Variants in SLC30A8 observed in about 807,000 individuals in gnomAD.
The protein encoded by SLC30A8 is proton-coupled zinc antiporter SLC30A8.
A neutral mutation model predicts 36.9 loss-of-function variants in SLC30A8; 27 were observed. That is an observed-to-expected ratio of 0.73 (90% CI 0.54 to 1.01). SLC30A8 has a LOEUF of 1.01. Ranked by LOEUF, SLC30A8 falls within the 50% of genes least tolerant of loss-of-function variation. SLC30A8 has a pLI of 0.00. For missense variants in SLC30A8, 439 were observed against 452.0 expected, an observed-to-expected ratio of 0.97 and a Z score of 0.26; for synonymous variants, 164 against 172.4, an observed-to-expected ratio of 0.95 and a Z score of 0.38.
chr8:116,962,373 G>A (rs1208446431), intron 1 of SLC30A8, among the ~76,000 whole-genome samples: 1 of 151,944 alleles, frequency 6.6e-6, no homozygotes, highest in Non-Finnish European at 1.5e-5. Context: ...TATAAAAAAT[G>A]ATTATGTTAA....
At chr8:117,077,609 A>C (rs1338751789) in intron 2 of SLC30A8, among the ~76,000 whole-genome samples, 1 of 152,196 alleles carries the variant, frequency 6.6e-6, no homozygotes, top group Non-Finnish European at 1.5e-5. Flanking sequence ...ACTGGGATGT[A>C]CCTTTTAATT....
intron 1 of SLC30A8, among the ~76,000 whole-genome samples, chr8:116,995,707 A>G (rs1371715236): frequency 6.6e-6 from 1 of 152,064 alleles, no homozygotes; most frequent in Non-Finnish European, 1.5e-5. Context: ...AAGAGTCTCT[A>G]ATAAGTGAAG....
intron 2 of SLC30A8, among the ~76,000 whole-genome samples, chr8:117,068,684 C>A (rs1024636553): frequency 6.6e-6 from 1 of 152,096 alleles, no homozygotes; most frequent in South Asian, 2.1e-4. Context: ...TCAAGCGATT[C>A]TCCTGCCTCA....
intron 2 of SLC30A8, among the ~76,000 whole-genome samples, chr8:117,123,660 A>G (rs374751989): frequency 6.6e-5 from 10 of 152,088 alleles, no homozygotes; most frequent in African/African-American, 9.6e-5. Context: ...ATTCACCTAC[A>G]ATAAAGTTCA....
intron 2 of SLC30A8, 128 bp downstream of exon 2, chr8:117,147,281 C>A: frequency 1.3e-6 from 1 of 742,808 alleles, no homozygotes; most frequent in Non-Finnish European, 2.2e-6. Context: ...ACAATATGCT[C>A]ATTGTAGATA....
intron 3 of SLC30A8, among the ~76,000 whole-genome samples, chr8:117,156,285 C>T (rs138223709): frequency 1.6e-4 from 25 of 152,254 alleles, no homozygotes; most frequent in Non-Finnish European, 3.2e-4. Context: ...TCAGGCAATC[C>T]GCTTGCTTCA....
intron 1 of SLC30A8, among the ~76,000 whole-genome samples, chr8:116,980,471 T>C (rs73312232): frequency 0.084 from 12,775 of 152,192 alleles, 1,787 homozygotes; most frequent in African/African-American, 0.29. Flanking sequence ...ACCACACAGT[T>C]GGTCCTCCCT....
At position 117,176,474 on chromosome 8, in the gene SLC30A8, T is replaced by C. The variant is rs1266187598; in HGVS notation, c.*3793T>C. 1 of 152,480 alleles carries C rather than the reference T, an allele frequency of 6.6e-6. No homozygotes were observed. The allele number at this position is 152,480 out of a possible 1,614,324, so 9.4% of individuals were successfully genotyped here. On this transcript the variant is annotated 3_prime_UTR_variant, in exon 8 of 8. Transcript: ENST00000456015. Reference sequence around the variant, plus strand: ...AATCATTAAAGGCACCAAGCAAATGTCATCTCTGAATACACACATCCCAAG... The same window carrying C: ...AATCATTAAAGGCACCAAGCAAATGCCATCTCTGAATACACACATCCCAAG...
At chr8:117,048,473 A>G (rs1218476739) in intron 2 of SLC30A8, among the ~76,000 whole-genome samples, 4 of 152,196 alleles carry the variant, frequency 2.6e-5, no homozygotes, top group African/African-American at 9.7e-5. Context: ...TTTAATTGCC[A>G]TAATTGTTCA....
intron 2 of SLC30A8, among the ~76,000 whole-genome samples, chr8:117,149,594 G>C (rs1822071399): frequency 6.6e-6 from 1 of 152,200 alleles, no homozygotes; most frequent in Non-Finnish European, 1.5e-5. Context: ...GGGTGAATCA[G>C]TGCGTGAGGG....
intron 1 of SLC30A8, among the ~76,000 whole-genome samples, chr8:116,969,703 A>G (rs1479049480): frequency 6.6e-6 from 1 of 152,184 alleles, no homozygotes; most frequent in Non-Finnish European, 1.5e-5. Flanking sequence ...ACTGAATCCT[A>G]TAGGTAATTG....
At chr8:117,011,367 CTT>C (rs1353244415) in intron 1 of SLC30A8, among the ~76,000 whole-genome samples, 1 of 152,178 alleles carries the variant, frequency 6.6e-6, no homozygotes, top group East Asian at 1.9e-4. Context: ...CTGAATGAAA[CTT>C]ATCATTTTAG....
chr8:116,987,891 G>T (rs953015611), intron 1 of SLC30A8, among the ~76,000 whole-genome samples: 1 of 152,100 alleles, frequency 6.6e-6, no homozygotes, highest in Non-Finnish European at 1.5e-5. Flanking sequence ...TAGAGATGGG[G>T]TTTTACCATG....
intron 2 of SLC30A8, among the ~76,000 whole-genome samples, chr8:117,128,800 T>C (rs1346654295): frequency 1.3e-5 from 2 of 152,206 alleles, no homozygotes; most frequent in East Asian, 3.9e-4. Flanking sequence ...AAGGGGATTA[T>C]TTTTACTGAC....
chr8:117,012,506 G>A (rs1586396236), intron 1 of SLC30A8, among the ~76,000 whole-genome samples: 1 of 151,754 alleles, frequency 6.6e-6, no homozygotes, highest in African/African-American at 2.4e-5. Flanking sequence ...TTTACATAGC[G>A]TTTACATTGT....
intron 1 of SLC30A8, among the ~76,000 whole-genome samples, chr8:117,004,554 C>T (rs577894801): frequency 8.6e-5 from 13 of 151,958 alleles, no homozygotes; most frequent in Non-Finnish European, 1.5e-4. Flanking sequence ...GACTCCTTCT[C>T]GGAGGATAAT....
intron 1 of SLC30A8, among the ~76,000 whole-genome samples, chr8:117,005,352 A>G (rs899833943): frequency 6.6e-6 from 1 of 152,158 alleles, no homozygotes; most frequent in Non-Finnish European, 1.5e-5. Flanking sequence ...ACCTTCTTTC[A>G]CTTAGCATAA....
At chr8:117,122,492 AG>A (rs1383412111) in intron 2 of SLC30A8, among the ~76,000 whole-genome samples, 1 of 151,982 alleles carries the variant, frequency 6.6e-6, no homozygotes, top group Non-Finnish European at 1.5e-5. Context: ...TTCACCTACA[AG>A]GCTTGTAACT....
intron 2 of SLC30A8, among the ~76,000 whole-genome samples, chr8:117,129,727 C>T (rs1338810638): frequency 2.6e-5 from 4 of 151,932 alleles, no homozygotes; most frequent in East Asian, 1.9e-4. Context: ...TGAATGATAA[C>T]GTATTATATT....
Sources: allele counts gnomAD v4.1 joint callset (sites outside exome capture counted in the v4.1 genomes callset), GRCh38; gene constraint gnomAD v4.1.1; transcripts MANE v1.5; gene names NCBI Gene and HGNC (gene_info 2026-07-23, HGNC 2026-07-21).